Variants in THRB observed in about 807,000 individuals in gnomAD.
THRB encodes the protein thyroid hormone receptor beta.
THRB carries 12 observed loss-of-function variants against 47.8 expected under a neutral mutation model. That is an observed-to-expected ratio of 0.25 (90% confidence interval 0.16 to 0.41). The LOEUF is 0.41. THRB is among the 10% of genes least tolerant of loss of function. The pLI is 1.00. For synonymous variants in THRB, 218 were observed against 212.2 expected, an observed-to-expected ratio of 1.03 and a Z score of -0.24; for missense variants, 348 against 589.2, an observed-to-expected ratio of 0.59 and a Z score of 4.24.
At chr3:24,177,621 G>A (rs528903994) in intron 5 of THRB, among the ~76,000 whole-genome samples, 40 of 152,138 alleles carry the variant, frequency 2.6e-4, no homozygotes, top group Non-Finnish European at 5.7e-4. Flanking sequence ...ATTCTGATGG[G>A]GCATGGGGGC....
chr3:24,240,199 C>T (rs981877726), intron 3 of THRB, among the ~76,000 whole-genome samples: 4 of 152,112 alleles, frequency 2.6e-5, no homozygotes, highest in Non-Finnish European at 5.9e-5. Flanking sequence ...CCTAAAGGTG[C>T]CATTAAAAAG....
At position 24,190,299 on chromosome 3, in the gene THRB, A is replaced by G. The variant is rs2043173451; in HGVS notation, c.58T>C (p.Cys20Arg). The G allele has an allele frequency of 1.2e-6, 2 of 1,614,110 alleles. No homozygotes were observed. The highest frequency in any genetic ancestry group is 2.2e-5 in the East Asian group (1 of 44,886). The change falls in exon 5 of 11, where the codon TGT becomes CGT. Residue 20 changes from cysteine (C) to arginine (R), a missense_variant. Cys to Arg is a radical substitution (Grantham distance 180, BLOSUM62 -3). Coordinates refer to ENST00000646209, the MANE Select transcript of THRB (RefSeq NM_001354712.2). ...GLTAWDKPKH[C>R]PDREHDWKLV... ...TTCCAGTCGTGTTCTCGGTCTGGAC[A>G]GTGCTTCGGTTTGTCCCAGGCTGTA...
chr3:24,375,312 ATAT>A (rs939470397), intron 1 of THRB, among the ~76,000 whole-genome samples: 3 of 147,366 alleles, frequency 2.0e-5, no homozygotes. Flanking sequence ...TAATATTAAT[ATAT>A]TATATTTAGA....
intron 1 of THRB, among the ~76,000 whole-genome samples, chr3:24,377,267 C>T (rs183738952): frequency 5.3e-5 from 8 of 152,198 alleles, no homozygotes; most frequent in African/African-American, 1.9e-4. Flanking sequence ...CCAGGGAGCA[C>T]ATTCCATTTG....
intron 1 of THRB, among the ~76,000 whole-genome samples, chr3:24,423,833 C>T (rs963813432): frequency 6.6e-6 from 1 of 151,616 alleles, no homozygotes; most frequent in Non-Finnish European, 1.5e-5. Flanking sequence ...TACTGAAAAC[C>T]TTTACTTATT....
chr3:24,391,792 A>G (rs1367004841), intron 1 of THRB, among the ~76,000 whole-genome samples: 3 of 151,944 alleles, frequency 2.0e-5, no homozygotes, highest in Non-Finnish European at 4.4e-5. Context: ...CATCATCATC[A>G]CCATTATTGC....
At chr3:24,291,923 T>C (rs2055960768) in intron 3 of THRB, among the ~76,000 whole-genome samples, 1 of 152,196 alleles carries the variant, frequency 6.6e-6, no homozygotes, top group Admixed American at 6.5e-5. Context: ...TATATATATA[T>C]GTTCATTGTA....
At chr3:24,282,779 A>G (rs2054765208) in intron 3 of THRB, among the ~76,000 whole-genome samples, 1 of 150,044 alleles carries the variant, frequency 6.7e-6, no homozygotes, top group Non-Finnish European at 1.5e-5. Flanking sequence ...CAGAAATACA[A>G]ACTACCATCA....
chr3:24,180,216 T>C (rs919805055), intron 5 of THRB, among the ~76,000 whole-genome samples: 4 of 152,220 alleles, frequency 2.6e-5, no homozygotes, highest in Non-Finnish European at 5.9e-5. Flanking sequence ...ACATATCTTT[T>C]CATTAGTCCT....
At chr3:24,339,052 A>C (rs1433506307) in intron 1 of THRB, among the ~76,000 whole-genome samples, 2 of 152,222 alleles carry the variant, frequency 1.3e-5, no homozygotes, top group Admixed American at 6.5e-5. Context: ...TGTTTGTAGC[A>C]GTTGTTATGA....
At chr3:24,277,707 T>C (rs2054079304) in intron 3 of THRB, among the ~76,000 whole-genome samples, 1 of 152,186 alleles carries the variant, frequency 6.6e-6, no homozygotes, top group Non-Finnish European at 1.5e-5. Context: ...GTTCTAGAAA[T>C]ATGTAGAATT....
At chr3:24,301,047 C>T (rs1210836709) in intron 2 of THRB, among the ~76,000 whole-genome samples, 3 of 152,016 alleles carry the variant, frequency 2.0e-5, no homozygotes, top group Non-Finnish European at 2.9e-5. Flanking sequence ...CAGGGAGAAG[C>T]GGTGAGGGCC....
chr3:24,464,255 G>GAAAAAAAAAAAAAAAA (rs557030205), intron 1 of THRB, among the ~76,000 whole-genome samples: 1 of 130,380 alleles, frequency 7.7e-6, no homozygotes, highest in African/African-American at 2.8e-5. Context: ...AAAAAAAAAA[G>GAAAAAAAAAAAAAAAA]AAAAAAAAAA....
intron 3 of THRB, among the ~76,000 whole-genome samples, chr3:24,270,550 T>C (rs1482736820): frequency 6.6e-6 from 1 of 152,246 alleles, no homozygotes; most frequent in African/African-American, 2.4e-5. Flanking sequence ...ATTAGATACG[T>C]CCCAGCCCTT....
intron 6 of THRB, among the ~76,000 whole-genome samples, chr3:24,148,051 C>G (rs149004334): frequency 3.2e-4 from 48 of 152,240 alleles, no homozygotes; most frequent in African/African-American, 1.1e-3. Context: ...AACAGTCCTG[C>G]CCCAGCCACT....
At chr3:24,338,952 C>T (rs1010053817) in intron 1 of THRB, among the ~76,000 whole-genome samples, 1 of 152,168 alleles carries the variant, frequency 6.6e-6, no homozygotes, top group Non-Finnish European at 1.5e-5. Flanking sequence ...GTCAGAAACT[C>T]TGATAATGTG....
intron 4 of THRB, among the ~76,000 whole-genome samples, chr3:24,228,341 C>A (rs531461832): frequency 1.3e-5 from 2 of 152,130 alleles, no homozygotes; most frequent in African/African-American, 2.4e-5. Flanking sequence ...CTGACTTATA[C>A]CTTACATGAC....
intron 1 of THRB, among the ~76,000 whole-genome samples, chr3:24,474,340 T>C (rs1695135138): frequency 6.6e-6 from 1 of 152,236 alleles, no homozygotes; most frequent in African/African-American, 2.4e-5. Context: ...AGTCTTCCTT[T>C]GGTATGGGCA....
At chr3:24,125,801 A>T (rs966279756) in intron 10 of THRB, among the ~76,000 whole-genome samples, 6 of 152,116 alleles carry the variant, frequency 3.9e-5, no homozygotes, top group African/African-American at 1.4e-4. Flanking sequence ...AGATTATGTA[A>T]TGTAATCACA....
Sources: gnomAD v4.1 joint callset for allele counts (sites outside exome capture counted in the v4.1 genomes callset) on GRCh38, gnomAD v4.1.1 for gene constraint, MANE v1.5 for transcripts, NCBI Gene and HGNC (gene_info 2026-07-23, HGNC 2026-07-21) for gene names.